Variants in ZFHX2 observed in about 807,000 individuals in gnomAD.
The protein encoded by ZFHX2 is zinc finger homeobox 2, also known as zinc finger homeobox protein 2.
ZFHX2 carries 75 observed loss-of-function variants against 164.8 expected under a neutral mutation model. The ratio of observed to expected loss-of-function variants is 0.46; its 90% CI spans 0.38 to 0.55. The LOEUF is 0.55. Among genes scored for constraint, ZFHX2 ranks in the 20% least tolerant of loss-of-function variants. ZFHX2 has a pLI of 0.00. For missense variants in ZFHX2, 2,933 were observed against 3,308.0 expected, an observed-to-expected ratio of 0.89 and a Z score of 2.78; for synonymous variants, 1,217 against 1,351.4, an observed-to-expected ratio of 0.90 and a Z score of 2.18.
chr14:23,524,727 G>T lies in ZFHX2; in HGVS notation c.5215C>A (p.Pro1739Thr), dbSNP rs1878483100. The part of the protein sequence containing the change: ...AGPEGPLPEP[P>T]DGEELSQAEA... ...GCTTGGCTCAGCTCCTCCCCATCTG[G>T]AGGCTCTGGTAATGGGCCCTCAGGC... Residue 1739 changes from proline to threonine, a missense_variant, in exon 9 of 10, where the codon CCA (proline) becomes ACA (threonine). Physicochemically the swap from Pro to Thr is conservative, Grantham distance 38. Transcript: ENST00000419474. This position sits in a 1 kb window ranked among gnomAD's most constrained non-coding sequence, Gnocchi z 5.6. 1 of 1,536,228 alleles carries T rather than the reference G, an allele frequency of 6.5e-7. No homozygotes were observed. Among genetic ancestry groups the T allele is most frequent in the Admixed American group, 2.0e-5 (1 of 50,982 alleles).
intron 6 of ZFHX2, chr14:23,529,257 G>A (rs1595150838): frequency 1.2e-5 from 2 of 162,180 alleles, no homozygotes; most frequent in East Asian, 3.7e-4. Context: ...TTTGGTTGGT[G>A]CCCCTACCCT....
chr14:23,531,531 G>A lies in ZFHX2; in HGVS notation c.2750C>T (p.Ala917Val), dbSNP rs767826778. 87 of 1,509,756 alleles carry A rather than the reference G, an allele frequency of 5.8e-5. No individual in the cohort carries two copies. In the South Asian group the frequency reaches 9.9e-4, roughly 17 times the overall value. The allele number at this position is 1,509,756 out of a possible 1,614,324, so 93.5% of individuals were successfully genotyped here. The stretch of plus-strand genomic sequence containing the variant: ...GAAGCTCAGGATGCTCTGAAGAGCT[G>A]CGAGTCCTTCCTCAGTGGTTGGGCC... ...QNGPTTEEGL[A>V]ALQSILSFSH... Residue 917 changes from alanine (A) to valine (V), a missense_variant, in exon 4 of 10, where the codon GCA (alanine) becomes GTA (valine). Ala to Val is a moderately conservative substitution (Grantham distance 64). Coordinates refer to ENST00000419474, the MANE Select transcript of ZFHX2 (RefSeq NM_033400.3).
In ZFHX2 at chr14:23,522,026, G is replaced by A. The variant is rs893281941; in HGVS notation, c.7655C>T (p.Ala2552Val). The change falls in exon 10 of 10, where the codon GCA (alanine) becomes GTA (valine). Residue 2552 changes from alanine to valine, a missense_variant. Physicochemically the swap from Ala to Val is moderately conservative, Grantham distance 64 (BLOSUM62 0). Coordinates refer to ENST00000419474, the MANE Select transcript of ZFHX2 (RefSeq NM_033400.3). The stretch of plus-strand genomic sequence containing the variant: ...GTTGGAGTCCGTGTGAGGTAATCTT[G>A]CTTCCTCTTTGGCAAAAGCCACAGC... The part of the protein sequence containing the change: ...SAAVAFAKEE[A>V]RLPHTDSNPK... 1.3e-6 allele frequency: 2 copies of A among 1,536,410 alleles called. No individual in the cohort carries two copies. Among genetic ancestry groups the A allele is most frequent in the Non-Finnish European group, 1.7e-6 (2 of 1,146,916 alleles).
rs576277284 is a variant in ZFHX2, at chr14:23,534,209, C to G, written c.1117G>C (p.Asp373His). The G allele has an allele frequency of 6.7e-7, 1 of 1,496,282 alleles. No homozygotes were observed. The highest frequency in any genetic ancestry group is 1.3e-5 in the South Asian group (1 of 76,604). The allele number at this position is 1,496,282 out of a possible 1,614,324, so 92.7% of individuals were successfully genotyped here. Residue 373 changes from aspartate (D) to histidine (H), a missense_variant, in exon 2 of 10, where the codon GAT becomes CAT. Physicochemically the swap from Asp to His is moderately conservative, Grantham distance 81. Coordinates refer to ENST00000419474, the MANE Select transcript of ZFHX2 (RefSeq NM_033400.3). The surrounding 1 kb of genome is among the most constrained non-coding windows in gnomAD (Gnocchi z 4.5). ...SPVAAGEAGP[D>H]WFPEGQEEDG... is the part of the protein sequence containing the mutation. ...TCTTCTTGCCCCTCAGGGAACCAATCTGGCCCTGCCTCGCCTGCTGCTACT... is the reference window on the plus strand; with the variant it reads ...TCTTCTTGCCCCTCAGGGAACCAATGTGGCCCTGCCTCGCCTGCTGCTACT...
At chr14:23,552,487 T>G (rs920189552), upstream of ZFHX2, among the ~76,000 whole-genome samples, 1 of 152,050 alleles carries the variant, frequency 6.6e-6, no homozygotes, top group Non-Finnish European at 1.5e-5. Flanking sequence ...GAGACGGGGT[T>G]TCACCACGTT....
chr14:23,540,198 C>G (rs923443794), intron 1 of ZFHX2, among the ~76,000 whole-genome samples: 8 of 152,168 alleles, frequency 5.3e-5, no homozygotes, highest in Non-Finnish European at 8.8e-5. Flanking sequence ...GCCATGTTGC[C>G]CAGGCTGGTC....
At position 23,531,678 on chromosome 14, in the gene ZFHX2, C is replaced by A; in HGVS notation, c.2603G>T (p.Gly868Val). 1 of 1,417,240 alleles carries A rather than the reference C, an allele frequency of 7.1e-7. No homozygotes were observed. The highest frequency in any genetic ancestry group is 1.5e-5 in the South Asian group (1 of 65,080). 87.8% of individuals were successfully genotyped at this position (1,417,240 alleles called of 1,614,324 possible). The stretch of plus-strand genomic sequence containing the variant: ...CGCACACAACAGGCAGTGGTATAGC[C>A]CCAGCTCTGCCCCTGCCTCCGCTCC... ...MEGAEAGAEL[G>V]LYHCLLCAWE... is the part of the protein sequence containing the mutation. The change falls in exon 4 of 10, where the codon GGG becomes GTG. Residue 868 changes from glycine to valine, a missense_variant. Physicochemically the swap from Gly to Val is moderately radical, Grantham distance 109 (BLOSUM62 -3). Coordinates refer to ENST00000419474, the MANE Select transcript of ZFHX2 (RefSeq NM_033400.3).
intron 1 of ZFHX2, chr14:23,542,811 C>T (rs117139604): frequency 0.026 from 3,967 of 152,032 alleles, 75 homozygotes; most frequent in Non-Finnish European, 0.043. Context: ...TCTCAGCTCA[C>T]GGCAATCTCT....
At position 23,521,750 on chromosome 14, in the gene ZFHX2, G is replaced by A; in HGVS notation, c.*212C>T. ...TACATCTGCAAGGAGCTGAGGAGGA[G>A]GATCAATGTGTGTGTCTGTGGGGAT... On this transcript the variant is annotated 3_prime_UTR_variant, in exon 10 of 10. Transcript: ENST00000419474. The A allele has an allele frequency of 1.2e-6, 1 of 816,664 alleles. No homozygotes were observed. The allele number at this position is 816,664 out of a possible 1,614,324, so 50.6% of individuals were successfully genotyped here.
chr14:23,522,957 G>A lies in ZFHX2; in HGVS notation c.6740-16C>T. On this transcript the variant is annotated splice_polypyrimidine_tract_variant and intron_variant, in intron 9 of 9. Transcript: ENST00000419474. ...GCTGCCGGGCCTAGAAAGGTGAAAGGAAGGATGAAGGATTAGCCATCTCCT... is the reference window on the plus strand; with the variant it reads ...GCTGCCGGGCCTAGAAAGGTGAAAGAAAGGATGAAGGATTAGCCATCTCCT... The A allele has an allele frequency of 4.2e-6, 6 of 1,436,514 alleles. No individual in the cohort carries two copies. The highest frequency in any genetic ancestry group is 5.5e-6 in the Non-Finnish European group (6 of 1,099,950). 89.0% of individuals were successfully genotyped at this position (1,436,514 alleles called of 1,614,324 possible).
chr14:23,535,015 C>G lies in ZFHX2; in HGVS notation c.311G>C (p.Gly104Ala), dbSNP rs1026597277. 2 of 1,536,054 alleles carry G rather than the reference C, an allele frequency of 1.3e-6. No homozygotes were observed. Among genetic ancestry groups the G allele is most frequent in the Non-Finnish European group, 8.7e-7 (1 of 1,146,822 alleles). ...GTTGCTTAGGTCCATGGGAGGGAGCCCTTCTTCTTCCTCCTCCTGCTCCTT... is the reference window on the plus strand; with the variant it reads ...GTTGCTTAGGTCCATGGGAGGGAGCGCTTCTTCTTCCTCCTCCTGCTCCTT... ...KDKEQEEEEE[G>A]LPPMDLSNHL... Residue 104 changes from glycine to alanine, a missense_variant, in exon 2 of 10, where the codon GGG (glycine) becomes GCG (alanine). By Grantham distance (60) the Gly-to-Ala change is moderately conservative. Coordinates refer to ENST00000419474, the MANE Select transcript of ZFHX2 (RefSeq NM_033400.3). This position sits in a 1 kb window ranked among gnomAD's most constrained non-coding sequence, Gnocchi z 4.5.
chr14:23,527,558 C>T, intron 7 of ZFHX2, 46 bp downstream of exon 7: 1 of 1,534,950 alleles, frequency 6.5e-7, no homozygotes, highest in Middle Eastern at 1.7e-4. Context: ...TCCTGCACAG[C>T]CCTAATAAGG....
chr14:23,521,919 G>A lies in ZFHX2; in HGVS notation c.*43C>T, dbSNP rs1878046031. On this transcript the variant is annotated 3_prime_UTR_variant, in exon 10 of 10. Coordinates refer to ENST00000419474, the MANE Select transcript of ZFHX2 (RefSeq NM_033400.3). Reference sequence around the variant, plus strand: ...CCGAACACCCCTTGGGGTAAAAGAGGGAGCCCTGAGGCCCTCCCCTCTCCC... The same window carrying A: ...CCGAACACCCCTTGGGGTAAAAGAGAGAGCCCTGAGGCCCTCCCCTCTCCC... The A allele has an allele frequency of 1.3e-6, 2 of 1,533,480 alleles. No individual in the cohort carries two copies. Among genetic ancestry groups the A allele is most frequent in the Non-Finnish European group, 1.7e-6 (2 of 1,146,088 alleles). 95.0% of individuals were successfully genotyped at this position (1,533,480 alleles called of 1,614,324 possible). A position where few individuals can be genotyped will look rare whatever the true frequency, so the allele number is the denominator to read the frequency against.
In ZFHX2 at chr14:23,523,407, G is replaced by C. The variant is rs1194558534; in HGVS notation, c.6535C>G (p.Arg2179Gly). The change falls in exon 9 of 10, where the codon CGA becomes GGA. Residue 2179 changes from arginine to glycine, a missense_variant. Arg to Gly is a moderately radical substitution (Grantham distance 125). Transcript: ENST00000419474. This position sits in a 1 kb window ranked among gnomAD's most constrained non-coding sequence, Gnocchi z 4.1. ...TTGCTTTCACTCTTCAGCTGGGCTC[G>C]AACCGCCTCCTTGAGCTTGGCCAGG... ...QHLAKLKEAV[R>G]AQLKSESKCY... The C allele has an allele frequency of 5.2e-6, 8 of 1,524,774 alleles. No homozygotes were observed. Among genetic ancestry groups the C allele is most frequent in the Non-Finnish European group, 7.0e-6 (8 of 1,140,966 alleles). The allele number at this position is 1,524,774 out of a possible 1,614,324, so 94.5% of individuals were successfully genotyped here.
chr14:23,543,226 T>A (rs1005009270), intron 1 of ZFHX2: 2 of 152,250 alleles, frequency 1.3e-5, no homozygotes, highest in Non-Finnish European at 2.9e-5. Context: ...CATCACCTAA[T>A]CCTCCACTTC....
In ZFHX2 at chr14:23,522,610, T is replaced by C. The variant is rs989449465; in HGVS notation, c.7071A>G (p.Ala2357=). The C allele has an allele frequency of 1.3e-5, 20 of 1,531,918 alleles. No homozygotes were observed. The African/African-American group carries it at 2.5e-4, about 19-fold the overall frequency. The allele number at this position is 1,531,918 out of a possible 1,614,324, so 94.9% of individuals were successfully genotyped here. ...GCTGGGGGCCAAAGACAGCTGGCGG[T>C]GCTGTTCCCCCAGCAGGGGGCAATG... The part of the protein sequence containing the change: ...PFPLPPAGGT[A]PPAVFGPQLQ... Residue 2357 remains alanine (A), a synonymous_variant, in exon 10 of 10, where the codon GCA becomes GCG. Transcript: ENST00000419474.
chr14:23,555,361 G>A (rs952341496), upstream of ZFHX2, among the ~76,000 whole-genome samples: 13 of 152,136 alleles, frequency 8.5e-5, no homozygotes, highest in Admixed American at 3.9e-4. Context: ...GGGACCGCTG[G>A]AAACTCTGAC....
rs1331034894 is a variant in ZFHX2, at chr14:23,533,466, T to G, written c.1860A>C (p.Pro620=). ...GGGGGCTAGTGGGGGTAGCCCCTGG[T>G]GGGGGAGGAGGGCCTGGCCCCATCA... The part of the protein sequence containing the change: ...PGLMGPGPPP[P]PGATPTSPPE... Residue 620 remains proline (P), a synonymous_variant, in exon 2 of 10, where the codon CCA becomes CCC. Transcript: ENST00000419474. This position sits in a 1 kb window ranked among gnomAD's most constrained non-coding sequence, Gnocchi z 4.8. The G allele has an allele frequency of 6.5e-7, 1 of 1,534,548 alleles. No homozygotes were observed. The highest frequency in any genetic ancestry group is 2.4e-5 in the East Asian group (1 of 40,874).
At chr14:23,531,454 C>T (rs1595157072) in intron 4 of ZFHX2, 27 bp downstream of exon 4, 2 of 1,377,010 alleles carry the variant, frequency 1.5e-6, no homozygotes, top group East Asian at 5.5e-5. Context: ...CTGCCCAGCT[C>T]TTATTCTCCA....
Sources: allele counts gnomAD v4.1 joint callset (sites outside exome capture counted in the v4.1 genomes callset), GRCh38; gene constraint gnomAD v4.1.1; non-coding constraint Gnocchi (gnomAD v3.1); transcripts MANE v1.5; gene names NCBI Gene and HGNC (gene_info 2026-07-23, HGNC 2026-07-21).